The following C5 variants were observed in gnomAD, a reference collection of about 807,000 sequenced individuals.
The protein encoded by C5 is complement C5, also known as C3 and PZP-like alpha-2-macroglobulin domain-containing protein 4.
C5 carries 140 observed loss-of-function variants against 218.8 expected under a neutral mutation model. The ratio of observed to expected loss-of-function variants is 0.64; its 90% confidence interval spans 0.56 to 0.74. The LOEUF is 0.74. Among genes scored for constraint, C5 ranks in the 30% least tolerant of loss-of-function variants. The pLI, the probability that C5 is intolerant of heterozygous loss-of-function variation, is 0.00. For missense variants in C5, 1,700 were observed against 1,969.6 expected (o/e 0.86, Z 2.59); for synonymous variants, 614 against 682.3 (o/e 0.90, Z 1.56).
intron 34 of C5, among the ~76,000 whole-genome samples, chr9:120,963,241 C>T (rs1019270865): frequency 1.3e-5 from 2 of 152,144 alleles, no homozygotes; most frequent in Non-Finnish European, 1.5e-5. Flanking sequence ...TGGTGGCTCA[C>T]GCCTGTAATC....
chr9:121,016,523 A>G, intron 14 of C5, 140 bp from the exon 15 acceptor site: 1 of 1,101,056 alleles, frequency 9.1e-7, no homozygotes, highest in Non-Finnish European at 1.3e-6. Flanking sequence ...CAAAGACAAA[A>G]TTTCCCAACT....
At chr9:121,073,511 CTTTTTTTT>C in the C5 span, among the ~76,000 whole-genome samples, 2 of 73,012 alleles carry the variant, frequency 2.7e-5, no homozygotes, top group South Asian at 6.0e-4. Flanking sequence ...GAAAACTGGA[CTTTTTTTT>C]TTTTTTTTTT....
intron 12 of C5, among the ~76,000 whole-genome samples, chr9:121,018,802 A>AAGG (rs1564154108): frequency 2.4e-4 from 31 of 129,266 alleles, no homozygotes; most frequent in Admixed American, 6.9e-4. Flanking sequence ...AGGAAGGAAG[A>AAGG]AAGAGTGAGT....
At chr9:120,996,198 A>G (rs760443809) in intron 22 of C5, 42 bp downstream of exon 22, 2 of 1,426,834 alleles carry the variant, frequency 1.4e-6, no homozygotes, top group Non-Finnish European at 2.0e-6. Flanking sequence ...TTAACTTCTA[A>G]AGCAAAAGAT....
At chr9:120,987,972 T>TCATAGAGA (rs2047046690) in intron 25 of C5, among the ~76,000 whole-genome samples, 1 of 152,132 alleles carries the variant, frequency 6.6e-6, no homozygotes. Context: ...TTTGTATTTT[T>TCATAGAGA]CATAGAGACG....
Position 121,027,161 on chromosome 9 carries a change from A to G in C5, c.872T>C (p.Met291Thr). 1 of 1,513,728 alleles carries G rather than the reference A, an allele frequency of 6.6e-7. No individual in the cohort carries two copies. 93.8% of individuals were successfully genotyped at this position (1,513,728 alleles called of 1,614,324 possible). A position where few individuals can be genotyped will look rare whatever the true frequency, so the allele number is the denominator to read the frequency against. Residue 291 changes from methionine to threonine, a missense_variant and splice_region_variant, in exon 8 of 41, where the codon ATG becomes ACG. Met to Thr is a moderately conservative substitution (Grantham distance 81). Coordinates refer to ENST00000223642, the MANE Select transcript of C5 (RefSeq NM_001735.3). ...AGTGACTGTGTCTTAACATCTTACC[A>G]TTGTGTTTTGCATTGCTGTTTGCAT... The part of the protein sequence containing the change: ...EMMQTAMQNT[M>T]LINGIAQVTF...
intron 25 of C5, 110 bp downstream of exon 25, chr9:120,988,936 T>C (rs1306793933): frequency 1.2e-6 from 1 of 810,812 alleles, no homozygotes; most frequent in Admixed American, 1.7e-5. Flanking sequence ...GAGTGAAGGA[T>C]GACGAGGCTT....
intron 4 of C5, 45 bp from the exon 5 acceptor site, chr9:121,034,939 TAA>T (rs2047510998): frequency 2.1e-6 from 2 of 939,632 alleles, no homozygotes; most frequent in Non-Finnish European, 3.4e-6. Flanking sequence ...AACTACATTT[TAA>T]AAAATTTAAC....
intron 3 of C5, among the ~76,000 whole-genome samples, chr9:121,041,055 T>A (rs1019269444): frequency 6.6e-6 from 1 of 151,022 alleles, no homozygotes; most frequent in African/African-American, 2.4e-5. Flanking sequence ...GCAATTCTCA[T>A]GCCTCAGCCT....
At position 121,037,915 on chromosome 9, in the gene C5, T is replaced by G. The variant is rs1289985711; in HGVS notation, c.458A>C (p.Lys153Thr). The G allele has an allele frequency of 6.5e-7, 1 of 1,534,416 alleles. No homozygotes were observed. The highest frequency in any genetic ancestry group is 1.7e-5 in the Admixed American group (1 of 58,854). ...TAAGACAGTTTCTCTTTTGGCTGGCTTCAAGTCGTCATTCAACGAATAAAC... is the reference window on the plus strand; with the variant it reads ...TAAGACAGTTTCTCTTTTGGCTGGCGTCAAGTCGTCATTCAACGAATAAAC... ...VRVYSLNDDLKPAKRETVLTF... is the reference protein window; with the variant it reads ...VRVYSLNDDLTPAKRETVLTF... The change falls in exon 4 of 41, where the codon AAG becomes ACG. Residue 153 changes from lysine to threonine, a missense_variant. By Grantham distance (78) the Lys-to-Thr change is moderately conservative (BLOSUM62 -1). Transcript: ENST00000223642.
In C5 at chr9:120,960,258, C is replaced by A. The variant is rs1307833178; in HGVS notation, c.4668G>T (p.Glu1556Asp). The A allele has an allele frequency of 9.9e-6, 16 of 1,609,686 alleles. No homozygotes were observed. The highest frequency in any genetic ancestry group is 4.4e-5 in the South Asian group (4 of 90,988). The change falls in exon 38 of 41, where the codon GAG (glutamate) becomes GAT (aspartate). Residue 1556 changes from glutamate to aspartate, a missense_variant. By Grantham distance (45) the Glu-to-Asp change is conservative (BLOSUM62 2). Coordinates refer to ENST00000223642, the MANE Select transcript of C5 (RefSeq NM_001735.3). ...ETRKQTACKP[E>D]IAYAYKVSIT... is the part of the protein sequence containing the mutation. ...AACTTTTGAACTCACCATATGCAAT[C>A]TCTGGTTTACATGCTGTTTGTTTTC... is the stretch of plus-strand genomic sequence containing the variant.
chr9:121,016,499 A>G (rs1403202057), intron 14 of C5, 116 bp from the exon 15 acceptor site: 15 of 1,351,632 alleles, frequency 1.1e-5, no homozygotes, highest in Non-Finnish European at 1.5e-5. Context: ...CACAGATGAT[A>G]TTTTTCAAAT....
At chr9:121,014,174 C>G in intron 16 of C5, 104 bp from the exon 17 acceptor site, 2 of 943,222 alleles carry the variant, frequency 2.1e-6, no homozygotes, top group South Asian at 2.7e-5. Context: ...TATATGATCC[C>G]CCTACCCACA....
chr9:121,005,005 A>G (rs1276814901), intron 20 of C5, among the ~76,000 whole-genome samples: 1 of 151,750 alleles, frequency 6.6e-6, no homozygotes, highest in Non-Finnish European at 1.5e-5. Context: ...TGTCAGAGGG[A>G]TACATAGTTT....
chr9:121,037,239 T>C (rs961743627), intron 4 of C5, among the ~76,000 whole-genome samples: 2 of 151,896 alleles, frequency 1.3e-5, no homozygotes, highest in Non-Finnish European at 2.9e-5. Flanking sequence ...ATTATGTATA[T>C]CTTATAGTTA....
rs1223171395 is a variant in C5 at position 121,014,050 on chromosome 9, C to G, written c.2080G>C (p.Val694Leu). 6.2e-7 allele frequency: 1 copy of G among 1,614,026 alleles called. No individual in the cohort carries two copies. The highest frequency in any genetic ancestry group is 1.1e-5 in the South Asian group (1 of 91,088). The part of the protein sequence containing the change: ...EEIAAKYKHS[V>L]VKKCCYDGAC... The stretch of plus-strand genomic sequence containing the variant: ...CCATCGTAACAACATTTCTTCACTA[C>G]TGAATGTTTATATTTAGCAGCTGAA... The change falls in exon 17 of 41, where the codon GTA (valine) becomes CTA (leucine). Residue 694 changes from valine to leucine, a missense_variant. By Grantham distance (32) the Val-to-Leu change is conservative. Transcript: ENST00000223642.
At chr9:121,017,975 G>GGCCA in intron 12 of C5, 123 bp from the exon 13 acceptor site, 1 of 693,020 alleles carries the variant, frequency 1.4e-6, no homozygotes, top group East Asian at 2.8e-5. Flanking sequence ...AAGTTAGGCT[G>GGCCA]GGCACAGTGG....
chr9:121,031,997 A>AG (rs2047479204), intron 6 of C5, 116 bp downstream of exon 6: 2 of 615,106 alleles, frequency 3.3e-6, no homozygotes, highest in African/African-American at 3.7e-5. Flanking sequence ...CAGGAGGCGG[A>AG]GGTTGCAGTG....
chr9:121,034,200 A>G (rs1480765053), intron 5 of C5, among the ~76,000 whole-genome samples: 1 of 152,186 alleles, frequency 6.6e-6, no homozygotes, highest in East Asian at 1.9e-4. Context: ...GATTACAGGC[A>G]TGAGCCACCG....
Sources: allele counts gnomAD v4.1 joint callset (sites outside exome capture counted in the v4.1 genomes callset), GRCh38; gene constraint gnomAD v4.1.1; transcripts MANE v1.5; gene names NCBI Gene and HGNC (gene_info 2026-07-23, HGNC 2026-07-21).